CCDC69: variants seen among roughly 807,000 people sequenced by gnomAD.
CCDC69 encodes the protein coiled-coil domain containing 69, also known as coiled-coil domain-containing protein 69.
CCDC69 carries 38 observed loss-of-function variants against 40.3 expected under a neutral mutation model. That is an observed-to-expected ratio of 0.94 (90% CI 0.73 to 1.24). The LOEUF (loss-of-function observed/expected upper bound fraction) is 1.24, where lower values mean the gene tolerates loss of function less well. Among genes scored for constraint, CCDC69 ranks in the 50% most tolerant of loss-of-function variants. The probability of loss-of-function intolerance (pLI) is 0.00; values close to 1 mark genes in which losing one functional copy is unlikely to be tolerated. For missense variants in CCDC69, 389 were observed against 357.9 expected, an observed-to-expected ratio of 1.09 and a Z score of -0.70; for synonymous variants, 141 against 138.9, an observed-to-expected ratio of 1.02 and a Z score of -0.11.
chr5:151,195,715 T>C (rs1327576210), intron 4 of CCDC69, among the ~76,000 whole-genome samples: 2 of 44,766 alleles, frequency 4.5e-5, no homozygotes, highest in Non-Finnish European at 7.7e-5. Context: ...TGAGACTCCA[T>C]CTCAAAAAAA....
chr5:151,196,674 G>A (rs1752703959), intron 4 of CCDC69, among the ~76,000 whole-genome samples: 1 of 152,082 alleles, frequency 6.6e-6, no homozygotes, highest in Non-Finnish European at 1.5e-5. Flanking sequence ...ACCACAATGC[G>A]AAACCACTTT....
chr5:151,192,701 G>T (rs1752630748), intron 4 of CCDC69, among the ~76,000 whole-genome samples: 1 of 152,192 alleles, frequency 6.6e-6, no homozygotes, highest in African/African-American at 2.4e-5. Context: ...ACCAGATAGT[G>T]TAAGAAAACT....
Position 151,224,025 on chromosome 5 carries a change from C to G in CCDC69, c.-55G>C. ...CCCAACTCCGGGGCCCCCAGAGGAG[C>G]CTGCGATCCGGGCCCCGCTGCCCGC... On this transcript the variant is annotated 5_prime_UTR_variant, in exon 1 of 9. Transcript: ENST00000355417. 6.8e-7 allele frequency: 1 copy of G among 1,471,110 alleles called. No homozygotes were observed. The highest frequency in any genetic ancestry group is 1.5e-5 in the African/African-American group (1 of 67,152). 91.1% of individuals were successfully genotyped at this position (1,471,110 alleles called of 1,614,324 possible).
chr5:151,185,463 T>A lies in CCDC69; in HGVS notation c.574A>T (p.Ile192Phe). ...ATCAGCCGCCTGTCCAGCTCATGAATACGCTCATTCTTCATCTCGATGACA... is the reference window on the plus strand; with the variant it reads ...ATCAGCCGCCTGTCCAGCTCATGAAAACGCTCATTCTTCATCTCGATGACA... ...HFVIEMKNER[I>F]HELDRRLILM... Residue 192 changes from isoleucine to phenylalanine, a missense_variant, in exon 7 of 9, where the codon ATT becomes TTT. By Grantham distance (21) the Ile-to-Phe change is conservative (BLOSUM62 0). Coordinates refer to ENST00000355417, the MANE Select transcript of CCDC69 (RefSeq NM_015621.3). 1 of 1,614,028 alleles carries A rather than the reference T, an allele frequency of 6.2e-7. No homozygotes were observed. Among genetic ancestry groups the A allele is most frequent in the South Asian group, 1.1e-5 (1 of 91,086 alleles).
intron 8 of CCDC69, 60 bp downstream of exon 8, chr5:151,184,284 A>G: frequency 7.7e-7 from 1 of 1,297,038 alleles, no homozygotes. Flanking sequence ...AGACTCTCCC[A>G]GCTGGGAATT....
intron 1 of CCDC69, 108 bp from the exon 2 acceptor site, chr5:151,205,583 A>T: frequency 1.1e-6 from 1 of 886,136 alleles, no homozygotes. Context: ...ACCTTCAGTT[A>T]CACCAGACCC....
chr5:151,216,831 A>T (rs116750776), intron 1 of CCDC69, among the ~76,000 whole-genome samples: 2,675 of 152,352 alleles, frequency 0.018, 76 homozygotes, highest in African/African-American at 0.059. Context: ...CCCAGAGTCA[A>T]GGTACAGACA....
intron 4 of CCDC69, 101 bp downstream of exon 4, chr5:151,198,896 G>T: frequency 2.3e-6 from 2 of 854,298 alleles, no homozygotes; most frequent in South Asian, 1.4e-5. Context: ...GGATCAGACA[G>T]ACAGGGAGGG....
At chr5:151,203,846 CAT>C (rs36141328) in intron 2 of CCDC69, among the ~76,000 whole-genome samples, 7 of 120,808 alleles carry the variant, frequency 5.8e-5, no homozygotes, top group Non-Finnish European at 1.2e-4. Flanking sequence ...AAATATATAT[CAT>C]ATATAGTATA....
chr5:151,201,602 T>A lies in CCDC69; in HGVS notation c.211A>T (p.Lys71Ter). The change falls in exon 3 of 9, where the codon AAG becomes TAG. Residue 71 changes from lysine (K) to a stop codon, truncating the protein, a stop_gained. Transcript: ENST00000355417. LOFTEE classifies it high-confidence loss of function. ...CTTACCTGTTGTGCCCATTTCTTCT[T>A]TTCCTCCTCATGTTGCTGGAGAATT... ...TRILQQHEEEKKKWAQQVEKE... is the reference protein window; with the variant it reads ...TRILQQHEEE The A allele has an allele frequency of 1.2e-6, 2 of 1,613,302 alleles. No individual in the cohort carries two copies. The highest frequency in any genetic ancestry group is 1.7e-6 in the Non-Finnish European group (2 of 1,179,502).
chr5:151,212,660 G>C (rs1328028052), intron 1 of CCDC69: 5 of 400,674 alleles, frequency 1.2e-5, no homozygotes, highest in Admixed American at 3.0e-5. Flanking sequence ...GATGTAGGAG[G>C]TGGCTCAAAA....
intron 2 of CCDC69, among the ~76,000 whole-genome samples, chr5:151,204,700 G>A (rs891114600): frequency 1.3e-5 from 2 of 151,604 alleles, no homozygotes; most frequent in African/African-American, 2.4e-5. Context: ...TTTTATTTTC[G>A]TACCATGGAC....
At chr5:151,187,942 T>G (rs1752549535) in intron 4 of CCDC69, among the ~76,000 whole-genome samples, 1 of 152,198 alleles carries the variant, frequency 6.6e-6, no homozygotes, top group African/African-American at 2.4e-5. Flanking sequence ...TTTCCGAAAC[T>G]GAGAGACCTT....
chr5:151,201,718 TA>T lies in CCDC69; in HGVS notation c.125-31del, dbSNP rs764830367. On this transcript the variant is annotated intron_variant, in intron 2 of 8. Coordinates refer to ENST00000355417, the MANE Select transcript of CCDC69 (RefSeq NM_015621.3). ...AGATGAAAAAGCAAAAAAATAAAAA[TA>T]AAAAAACTCACAGAGTGGAAGTACA... 40 of 1,472,130 alleles carry T rather than the reference TA, an allele frequency of 2.7e-5. 1 individual carries two copies. In the Admixed American group the frequency reaches 6.9e-4, roughly 25 times the overall value. The allele number at this position is 1,472,130 out of a possible 1,614,324, so 91.2% of individuals were successfully genotyped here.
rs1475876707 is a variant in CCDC69 at position 151,185,493 on chromosome 5, G to A, written c.544C>T (p.His182Tyr). ...TCATTCTTCATCTCGATGACAAAGT[G>A]TAAGCTCTCCAGCTCCTGCTCCCAG... ...QFWEQELESLHFVIEMKNERI... is the reference protein window; with the variant it reads ...QFWEQELESLYFVIEMKNERI... Residue 182 changes from histidine to tyrosine, a missense_variant, in exon 7 of 9, where the codon CAC becomes TAC. By Grantham distance (83) the His-to-Tyr change is moderately conservative (BLOSUM62 2). Transcript: ENST00000355417. The A allele has an allele frequency of 5.6e-6, 9 of 1,613,898 alleles. No homozygotes were observed. Among genetic ancestry groups the A allele is most frequent in the East Asian group, 2.2e-5 (1 of 44,886 alleles).
chr5:151,198,989 AC>A lies in CCDC69; in HGVS notation c.319+7del. On this transcript the variant is annotated splice_region_variant and intron_variant, in intron 4 of 8. Transcript: ENST00000355417. ...CCACCTTGGCCAGTGGAACATCTCT[AC>A]CCTTACCTTGCAGGGCCTCTTCATT... The A allele has an allele frequency of 6.2e-7, 1 of 1,611,954 alleles. No homozygotes were observed. The highest frequency in any genetic ancestry group is 8.5e-7 in the Non-Finnish European group (1 of 1,178,072).
At chr5:151,201,158 C>T (rs533265774) in intron 3 of CCDC69, among the ~76,000 whole-genome samples, 47 of 152,190 alleles carry the variant, frequency 3.1e-4, no homozygotes, top group Non-Finnish European at 5.9e-4. Context: ...TTACAACAGT[C>T]CCGTCACTTA....
chr5:151,224,043 C>A lies in CCDC69; in HGVS notation c.-73G>T. 7.4e-7 allele frequency: 1 copy of A among 1,346,782 alleles called. No homozygotes were observed. Among genetic ancestry groups the A allele is most frequent in the Non-Finnish European group, 1.0e-6 (1 of 1,001,686 alleles). The allele number at this position is 1,346,782 out of a possible 1,614,324, so 83.4% of individuals were successfully genotyped here. On this transcript the variant is annotated 5_prime_UTR_variant, in exon 1 of 9. Transcript: ENST00000355417. Reference sequence around the variant, plus strand: ...AGAGGAGCCTGCGATCCGGGCCCCGCTGCCCGCTCCGCGCCCGCCGGCTGG... The same window carrying A: ...AGAGGAGCCTGCGATCCGGGCCCCGATGCCCGCTCCGCGCCCGCCGGCTGG...
At chr5:151,220,172 A>T (rs914500184) in intron 1 of CCDC69, among the ~76,000 whole-genome samples, 1 of 152,184 alleles carries the variant, frequency 6.6e-6, no homozygotes, top group Admixed American at 6.5e-5. Context: ...CCTTGGGTAC[A>T]ATCTAGGCAG....
Sources: allele counts gnomAD v4.1 joint callset (sites outside exome capture counted in the v4.1 genomes callset), GRCh38; gene constraint gnomAD v4.1.1; transcripts MANE v1.5; gene names NCBI Gene and HGNC (gene_info 2026-07-23, HGNC 2026-07-21).